Variants in ABHD12 observed in about 807,000 individuals in gnomAD.
ABHD12 encodes lysophosphatidylserine lipase ABHD12.
A neutral mutation model predicts 58.3 loss-of-function variants in ABHD12; 43 were observed. The ratio of observed to expected loss-of-function variants is 0.74; its 90% CI spans 0.58 to 0.95. The LOEUF is 0.95. Among genes scored for constraint, ABHD12 ranks in the 40% least tolerant of loss-of-function variants. The pLI is 0.00. For synonymous variants in ABHD12, 219 were observed against 211.2 expected (o/e 1.04, Z -0.32); for missense variants, 539 against 537.2 (o/e 1.00, Z -0.03).
chr20:25,336,307 C>CT (rs11478147), intron 2 of ABHD12, among the ~76,000 whole-genome samples: 216 of 149,326 alleles, frequency 1.4e-3, no homozygotes, highest in East Asian at 3.7e-3. Context: ...ATTCAGGGTT[C>CT]TTTTTTTTTT....
chr20:25,366,432 A>G (rs2089822738), intron 1 of ABHD12, among the ~76,000 whole-genome samples: 1 of 151,816 alleles, frequency 6.6e-6, no homozygotes, highest in Non-Finnish European at 1.5e-5. Context: ...ATGCCTGGCT[A>G]GTTTTGTATT....
intron 1 of ABHD12, among the ~76,000 whole-genome samples, chr20:25,369,546 C>T (rs1186024867): frequency 2.0e-5 from 3 of 152,086 alleles, no homozygotes; most frequent in Admixed American, 6.6e-5. Context: ...GCAGAGGGCA[C>T]GAAGGATCAC....
rs913702956 is a variant in ABHD12, at chr20:25,361,957, AAC to A, written c.192-22608_192-22607del. ...GGGACAGAGCGACACTCCGTCTCAA[AAC>A]ACACACACACAAAAAAAGAAAAGAA... On this transcript the variant is annotated intron_variant, in intron 1 of 12. Transcript: ENST00000339157. Among the ~76,000 whole-genome samples, 37 of 151,124 alleles carry A rather than the reference AAC, an allele frequency of 2.4e-4. 1 individual carries two copies. The highest frequency in any genetic ancestry group is 8.3e-4 in the African/African-American group (34 of 41,148).
At chr20:25,318,903 G>A (rs1177310852) in intron 4 of ABHD12, among the ~76,000 whole-genome samples, 1 of 152,140 alleles carries the variant, frequency 6.6e-6, no homozygotes, top group Admixed American at 6.5e-5. Context: ...CCGCTTCACG[G>A]GCCATGCCGC....
intron 1 of ABHD12, among the ~76,000 whole-genome samples, chr20:25,379,581 A>T (rs1199536121): frequency 1.3e-5 from 2 of 151,532 alleles, no homozygotes; most frequent in South Asian, 4.2e-4. Context: ...CACTGCACCT[A>T]CTCTGTCCCA....
chr20:25,308,379 G>A (rs2088785564), intron 8 of ABHD12, 78 bp downstream of exon 8: 9 of 1,547,458 alleles, frequency 5.8e-6, no homozygotes, highest in South Asian at 1.2e-5. Context: ...TGAGGACGCT[G>A]AGCACTTGCA....
At chr20:25,310,479 T>C (rs1250349783) in intron 6 of ABHD12, 1 of 152,292 alleles carries the variant, frequency 6.6e-6, no homozygotes, top group Admixed American at 6.5e-5. Context: ...CATCATCAGA[T>C]GATCTGAAAG....
intron 12 of ABHD12, 143 bp downstream of exon 12, chr20:25,302,076 G>T: frequency 8.1e-7 from 1 of 1,240,690 alleles, no homozygotes; most frequent in Non-Finnish European, 1.1e-6. Flanking sequence ...CCTCTGCCAA[G>T]GAAATGGAAG....
chr20:25,313,738 C>A (rs1278337862), intron 6 of ABHD12, among the ~76,000 whole-genome samples: 1 of 152,114 alleles, frequency 6.6e-6, no homozygotes, highest in African/African-American at 2.4e-5. Context: ...GCTGAGATCA[C>A]ATCACTGCAA....
At chr20:25,320,649 T>C (rs2089049202) in intron 3 of ABHD12, among the ~76,000 whole-genome samples, 1 of 152,232 alleles carries the variant, frequency 6.6e-6, no homozygotes, top group African/African-American at 2.4e-5. Context: ...TTAGTCCATC[T>C]TGAGTAATAG....
At chr20:25,360,560 T>C (rs2089733015) in intron 1 of ABHD12, among the ~76,000 whole-genome samples, 1 of 152,030 alleles carries the variant, frequency 6.6e-6, no homozygotes, top group African/African-American at 2.4e-5. Context: ...CAGTCTTATG[T>C]TTGAGGCTAA....
At chr20:25,371,320 G>T (rs186598601) in intron 1 of ABHD12, among the ~76,000 whole-genome samples, 130 of 152,274 alleles carry the variant, frequency 8.5e-4, no homozygotes, top group African/African-American at 3.0e-3. Flanking sequence ...ATTTCACTGT[G>T]GCTGGCCCTT....
intron 11 of ABHD12, among the ~76,000 whole-genome samples, chr20:25,302,933 G>A (rs1342984637): frequency 1.3e-5 from 2 of 152,172 alleles, no homozygotes; most frequent in African/African-American, 4.8e-5. Context: ...CAACTAGTTT[G>A]CCCTGCCATT....
downstream of ABHD12, chr20:25,296,604 A>AGCCACTGGTG: frequency 1.3e-6 from 2 of 1,508,834 alleles, no homozygotes; most frequent in South Asian, 2.5e-5. Context: ...ACACTTTGCC[A>AGCCACTGGTG]GCCACTGGTG....
intron 1 of ABHD12, chr20:25,339,827 G>C: frequency 9.6e-6 from 11 of 1,148,660 alleles, no homozygotes; most frequent in Non-Finnish European, 1.2e-5. Flanking sequence ...GAACCTGCCT[G>C]ACCAGGTCCT....
chr20:25,310,050 G>GTTTTTTTAA, intron 6 of ABHD12: 11 of 174,700 alleles, frequency 6.3e-5, no homozygotes, highest in South Asian at 1.4e-4. Flanking sequence ...GTCTAAGGCA[G>GTTTTTTTAA]TGAAAGCCTC....
chr20:25,349,321 C>T (rs1436400444), intron 1 of ABHD12, among the ~76,000 whole-genome samples: 1 of 152,152 alleles, frequency 6.6e-6, no homozygotes, highest in African/African-American at 2.4e-5. Context: ...CTATGGAAAA[C>T]AGTTTGGCCA....
intron 1 of ABHD12, among the ~76,000 whole-genome samples, chr20:25,361,079 A>G (rs1423230396): frequency 6.6e-6 from 1 of 152,252 alleles, no homozygotes; most frequent in Non-Finnish European, 1.5e-5. Context: ...GCAACAAAAG[A>G]TACAGGGCCC....
At chr20:25,324,687 G>A (rs879448554) in intron 2 of ABHD12, among the ~76,000 whole-genome samples, 2 of 152,230 alleles carry the variant, frequency 1.3e-5, no homozygotes, top group East Asian at 1.9e-4. Flanking sequence ...CTGGACTCAC[G>A]AGGACATGGG....
Sources: allele counts gnomAD v4.1 joint callset (sites outside exome capture counted in the v4.1 genomes callset), GRCh38; gene constraint gnomAD v4.1.1; transcripts MANE v1.5; gene names NCBI Gene and HGNC (gene_info 2026-07-23, HGNC 2026-07-21).